The following ILDR1 variants were observed in gnomAD, a reference collection of about 807,000 sequenced individuals.
The protein encoded by ILDR1 is immunoglobulin-like domain-containing receptor 1.
In ILDR1, 56 loss-of-function variants were observed where a neutral mutation model predicts 62.4. The observed-to-expected ratio is 0.90, with a 90% CI of 0.72 to 1.12. The LOEUF (loss-of-function observed/expected upper bound fraction) is 1.12. Ranked by LOEUF, ILDR1 falls within the 50% of genes most tolerant of loss-of-function variation. ILDR1 has a pLI of 0.00. For synonymous variants in ILDR1, 284 were observed against 277.8 expected (o/e 1.02, Z -0.22); for missense variants, 736 against 710.6 (o/e 1.04, Z -0.41).
At chr3:122,000,227 T>A in intron 5 of ILDR1, among the ~76,000 whole-genome samples, 1 of 142,164 alleles carries the variant, frequency 7.0e-6, no homozygotes, top group African/African-American at 2.6e-5. Context: ...AAAACGGAGA[T>A]GGCAGCCAAA....
chr3:122,052,545 C>A, the ILDR1 span, among the ~76,000 whole-genome samples: 1 of 152,152 alleles, frequency 6.6e-6, no homozygotes, highest in Non-Finnish European at 1.5e-5. Context: ...CCTCAGGCAG[C>A]CCCCAGGAAA....
intron 2 of ILDR1, among the ~76,000 whole-genome samples, chr3:122,006,534 C>T (rs780723693): frequency 1.7e-4 from 26 of 152,256 alleles, no homozygotes; most frequent in Admixed American, 3.3e-4. Flanking sequence ...TGACCATCTT[C>T]CCGAAGGCAT....
At chr3:122,037,210 T>C in the ILDR1 span, among the ~76,000 whole-genome samples, 1 of 152,148 alleles carries the variant, frequency 6.6e-6, no homozygotes, top group Non-Finnish European at 1.5e-5. Flanking sequence ...CTCATGGAAC[T>C]GTGAAAAGAG....
Position 122,018,594 on chromosome 3 carries a change from A to T in ILDR1, c.58+3426T>A, listed in dbSNP as rs534103140. ...ACAGTATGAAATAGGAGAGAGAGCA[A>T]TGGAGAAAGGGTGAAGACACCAGGG... On this transcript the variant is annotated intron_variant, in intron 1 of 7. Coordinates refer to ENST00000344209, the MANE Select transcript of ILDR1 (RefSeq NM_001199799.2). Among the ~76,000 whole-genome samples, 6 of 152,338 alleles carry T rather than the reference A, an allele frequency of 3.9e-5. No homozygotes were observed. In the East Asian group the frequency reaches 1.2e-3, roughly 29 times the overall value.
At chr3:122,025,883 A>G (rs151036520), upstream of ILDR1, among the ~76,000 whole-genome samples, 140 of 152,330 alleles carry the variant, frequency 9.2e-4, 2 homozygotes, top group Middle Eastern at 3.4e-3. Flanking sequence ...CCCAGCATCT[A>G]GCATAGTATC....
At chr3:122,037,269 C>A in the ILDR1 span, among the ~76,000 whole-genome samples, 1 of 152,206 alleles carries the variant, frequency 6.6e-6, no homozygotes, top group African/African-American at 2.4e-5. Flanking sequence ...ACAGCTCACA[C>A]CGTGTACCTG....
chr3:121,997,590 G>A (rs2071455459), intron 5 of ILDR1, among the ~76,000 whole-genome samples: 1 of 152,184 alleles, frequency 6.6e-6, no homozygotes, highest in Admixed American at 6.5e-5. Context: ...CCTAGGTTTA[G>A]TCCAGGGCCC....
chr3:121,988,229 T>C lies in ILDR1; in HGVS notation c.*138A>G, dbSNP rs1466013297. 1.2e-5 allele frequency: 9 copies of C among 747,856 alleles called. No individual in the cohort carries two copies. The highest frequency in any genetic ancestry group is 2.2e-5 in the Non-Finnish European group (9 of 411,512). 46.3% of individuals were successfully genotyped at this position (747,856 alleles called of 1,614,324 possible). On this transcript the variant is annotated 3_prime_UTR_variant, in exon 8 of 8. Coordinates refer to ENST00000344209, the MANE Select transcript of ILDR1 (RefSeq NM_001199799.2). ...TCTCAAACTCTTGTATTTAAAATTCTTCTATTTGATTCTCAGAATCTAAGC... is the reference window on the plus strand; with the variant it reads ...TCTCAAACTCTTGTATTTAAAATTCCTCTATTTGATTCTCAGAATCTAAGC...
At chr3:121,988,518 G>A in intron 7 of ILDR1, 110 bp from the exon 8 acceptor site, 1 of 833,754 alleles carries the variant, frequency 1.2e-6, no homozygotes. Flanking sequence ...GGTGGTGGCT[G>A]CCAGGACAGC....
chr3:122,021,498 G>C (rs529493557), intron 1 of ILDR1, among the ~76,000 whole-genome samples: 1 of 152,324 alleles, frequency 6.6e-6, no homozygotes, highest in Admixed American at 6.5e-5. Flanking sequence ...ACTGGATACA[G>C]AGAAAGTAGA....
At chr3:122,010,119 T>C (rs2071682109) in intron 1 of ILDR1, among the ~76,000 whole-genome samples, 1 of 151,842 alleles carries the variant, frequency 6.6e-6, no homozygotes, top group Non-Finnish European at 1.5e-5. Context: ...ATTGTTTCAG[T>C]AAGCAAGAAA....
the ILDR1 span, among the ~76,000 whole-genome samples, chr3:122,056,156 G>A: frequency 6.6e-6 from 1 of 152,044 alleles, no homozygotes; most frequent in East Asian, 1.9e-4. Flanking sequence ...TGGGGTAACT[G>A]TGGCTTAAAA....
the ILDR1 span, among the ~76,000 whole-genome samples, chr3:122,035,656 G>A: frequency 1.3e-5 from 2 of 152,150 alleles, no homozygotes; most frequent in Non-Finnish European, 1.5e-5. Flanking sequence ...ACTATGGTAA[G>A]ATGTGCTTGC....
intron 5 of ILDR1, among the ~76,000 whole-genome samples, chr3:121,996,175 C>T (rs750933301): frequency 1.3e-5 from 2 of 152,196 alleles, no homozygotes; most frequent in Non-Finnish European, 2.9e-5. Flanking sequence ...GTCCTATTCC[C>T]ATTTAGCCAC....
chr3:122,041,224 C>T, the ILDR1 span, among the ~76,000 whole-genome samples: 1 of 152,046 alleles, frequency 6.6e-6, no homozygotes, highest in East Asian at 1.9e-4. Flanking sequence ...GGAGATGGGG[C>T]CTAATGGGAT....
At chr3:121,989,271 G>A (rs544887372) in intron 7 of ILDR1, among the ~76,000 whole-genome samples, 7 of 152,200 alleles carry the variant, frequency 4.6e-5, no homozygotes, top group African/African-American at 1.2e-4. Flanking sequence ...CTGACATAAC[G>A]GAAAACAATG....
At chr3:122,042,655 C>G in the ILDR1 span, among the ~76,000 whole-genome samples, 12 of 152,090 alleles carry the variant, frequency 7.9e-5, no homozygotes, top group Admixed American at 5.2e-4. Flanking sequence ...ATTTGCATTT[C>G]TCTGATGGCC....
the ILDR1 span, among the ~76,000 whole-genome samples, chr3:122,056,971 A>G: frequency 6.6e-6 from 1 of 152,222 alleles, no homozygotes; most frequent in African/African-American, 2.4e-5. Context: ...ATTGGTCATG[A>G]ACCAGTAATA....
upstream of ILDR1, among the ~76,000 whole-genome samples, chr3:122,022,805 C>G (rs1559885644): frequency 6.6e-6 from 1 of 152,018 alleles, no homozygotes; most frequent in Non-Finnish European, 1.5e-5. Flanking sequence ...CTCAGCTACT[C>G]GGGACGCTGA....
Sources: allele counts gnomAD v4.1 joint callset (sites outside exome capture counted in the v4.1 genomes callset), GRCh38; gene constraint gnomAD v4.1.1; transcripts MANE v1.5; gene names NCBI Gene and HGNC (gene_info 2026-07-23, HGNC 2026-07-21).